DNAH17: variants seen among roughly 807,000 people sequenced by gnomAD.
DNAH17 encodes axonemal beta dynein heavy chain 17.
In DNAH17, 376 loss-of-function variants were observed where a neutral mutation model predicts 485.6. The observed-to-expected ratio is 0.77, with a 90% confidence interval of 0.71 to 0.84. The LOEUF is 0.84. DNAH17 is among the 40% of genes least tolerant of loss of function. The probability of loss-of-function intolerance (pLI) is 0.00; values close to 1 mark genes in which losing one functional copy is unlikely to be tolerated. For synonymous variants in DNAH17, 3,031 were observed against 2,405.9 expected (o/e 1.26, Z -7.60); for missense variants, 6,370 against 5,839.3 (o/e 1.09, Z -2.96).
chr17:78,478,174 CCAT>C (rs1312795429), intron 51 of DNAH17, among the ~76,000 whole-genome samples: 1 of 150,126 alleles, frequency 6.7e-6, no homozygotes, highest in East Asian at 2.0e-4. Flanking sequence ...CATAACATCA[CCAT>C]CATCACCATT....
At position 78,530,599 on chromosome 17, in the gene DNAH17, C is replaced by T. The variant is rs973949955; in HGVS notation, c.3115-87G>A. On this transcript the variant is annotated intron_variant, in intron 20 of 80. Coordinates refer to ENST00000389840, the MANE Select transcript of DNAH17 (RefSeq NM_173628.4). ...AGGGCCTCAGTCCAGGGCCTTCCTGCACTGCACCTGCGCTGCTCACCTGCC... is the reference window on the plus strand; with the variant it reads ...AGGGCCTCAGTCCAGGGCCTTCCTGTACTGCACCTGCGCTGCTCACCTGCC... The T allele has an allele frequency of 9.2e-6, 13 of 1,416,050 alleles. No individual in the cohort carries two copies. In the African/African-American group the frequency reaches 1.6e-4, roughly 17 times the overall value. 87.7% of individuals were successfully genotyped at this position (1,416,050 alleles called of 1,614,324 possible).
intron 31 of DNAH17, among the ~76,000 whole-genome samples, chr17:78,503,539 T>C (rs896102804): frequency 6.6e-6 from 1 of 152,004 alleles, no homozygotes; most frequent in East Asian, 1.9e-4. Flanking sequence ...CCGGCTGCTG[T>C]GCAGTAACTG....
intron 62 of DNAH17, among the ~76,000 whole-genome samples, chr17:78,456,766 G>C (rs1021176740): frequency 1.3e-5 from 2 of 152,216 alleles, no homozygotes; most frequent in Admixed American, 6.5e-5. Context: ...GTGACCTAGA[G>C]ACCATTTCGA....
chr17:78,562,092 C>G, intron 11 of DNAH17, 112 bp from the exon 12 acceptor site: 1 of 1,301,042 alleles, frequency 7.7e-7, no homozygotes, highest in African/African-American at 1.5e-5. Context: ...GAATGTGTAC[C>G]TTGCCAAAAC....
chr17:78,484,771 T>A, intron 48 of DNAH17, 97 bp downstream of exon 48: 105 of 179,604 alleles, frequency 5.8e-4, no homozygotes, highest in East Asian at 2.3e-3. Flanking sequence ...AGTCCTGCCC[T>A]ACTGCCCTGG....
At chr17:78,552,977 G>A (rs2091936966) in intron 14 of DNAH17, among the ~76,000 whole-genome samples, 172 bp from the exon 15 acceptor site, 1 of 152,146 alleles carries the variant, frequency 6.6e-6, no homozygotes, top group African/African-American at 2.4e-5. Context: ...CTGGTGGGAG[G>A]TGACTGGATC....
Position 78,434,125 on chromosome 17 carries a change from G to A in DNAH17, c.12129C>T (p.Phe4043=), listed in dbSNP as rs375567410. The A allele has an allele frequency of 4.0e-5, 64 of 1,613,674 alleles. No individual in the cohort carries two copies. Among genetic ancestry groups the A allele is most frequent in the African/African-American group, 2.9e-4 (22 of 75,062 alleles). ...ACGACCGGTTCCAGCCCTGGGCGCC[G>A]AACTTGCGCCTCTCTGCCACCACAG... ...FHAVVAERRK[F]GAQGWNRSYP... Residue 4043 remains phenylalanine (F), a synonymous_variant, in exon 75 of 81, where the codon TTC becomes TTT. Transcript: ENST00000389840.
chr17:78,532,782 G>A (rs1379425859), intron 19 of DNAH17, 46 bp from the exon 20 acceptor site: 4 of 1,525,904 alleles, frequency 2.6e-6, no homozygotes, highest in Non-Finnish European at 3.5e-6. Context: ...ATGTTGCCTG[G>A]TTCATAATTT....
rs1253779601 is a variant in DNAH17 at position 78,569,596 on chromosome 17, C to T, written c.1045-69G>A. The stretch of plus-strand genomic sequence containing the variant: ...TTTGGGGTGACGTCCAGGCACGCCG[C>T]CTGCAGGACCTGTGATCTGTTCTGA... On this transcript the variant is annotated intron_variant, in intron 7 of 80. Coordinates refer to ENST00000389840, the MANE Select transcript of DNAH17 (RefSeq NM_173628.4). 6.0e-6 allele frequency: 9 copies of T among 1,502,470 alleles called. No homozygotes were observed. The Admixed American group carries it at 1.6e-4, about 27-fold the overall frequency. 93.1% of individuals were successfully genotyped at this position (1,502,470 alleles called of 1,614,324 possible).
chr17:78,449,925 C>T (rs1598467580), intron 68 of DNAH17: 1 of 443,094 alleles, frequency 2.3e-6, no homozygotes, highest in Non-Finnish European at 4.1e-6. Flanking sequence ...ATCCACCCGC[C>T]TCGGCCCCCC....
intron 26 of DNAH17, among the ~76,000 whole-genome samples, chr17:78,511,018 C>T (rs1470175105): frequency 6.6e-6 from 1 of 152,246 alleles, no homozygotes; most frequent in East Asian, 1.9e-4. Flanking sequence ...CTGGAGGAGG[C>T]AGGAAGGACC....
intron 51 of DNAH17, among the ~76,000 whole-genome samples, chr17:78,477,026 G>A (rs927256554): frequency 1.3e-5 from 2 of 152,234 alleles, no homozygotes; most frequent in East Asian, 3.8e-4. Flanking sequence ...GAGGCTAATT[G>A]CAAAGGAAAG....
Position 78,510,436 on chromosome 17 carries a change from T to C in DNAH17, c.4184A>G (p.Asp1395Gly). The C allele has an allele frequency of 1.2e-6, 2 of 1,613,724 alleles. No individual in the cohort carries two copies. Among genetic ancestry groups the C allele is most frequent in the Non-Finnish European group, 1.7e-6 (2 of 1,179,766 alleles). The change falls in exon 27 of 81, where the codon GAT becomes GGT. Residue 1395 changes from aspartate (D) to glycine (G), a missense_variant. Coordinates refer to ENST00000389840, the MANE Select transcript of DNAH17 (RefSeq NM_173628.4). The part of the protein sequence containing the change: ...LLQLNLHSYE[D>G]EVRNIVDKAV... ...CTTGTCCACGATGTTGCGGACCTCATCCTCGTAACTGTGGAGGTTCAGCTG... is the reference window on the plus strand; with the variant it reads ...CTTGTCCACGATGTTGCGGACCTCACCCTCGTAACTGTGGAGGTTCAGCTG...
At position 78,475,716 on chromosome 17, in the gene DNAH17, C is replaced by T. The variant is rs756812525; in HGVS notation, c.8272G>A (p.Val2758Met). 2.5e-6 allele frequency: 4 copies of T among 1,613,720 alleles called. No individual in the cohort carries two copies. Among genetic ancestry groups the T allele is most frequent in the East Asian group, 2.2e-5 (1 of 44,880 alleles). Residue 2758 changes from valine to methionine, a missense_variant, in exon 53 of 81, where the codon GTG becomes ATG. Transcript: ENST00000389840. The part of the protein sequence containing the change: ...TDMAPLNKLL[V>M]DVLDSYNEVN... ...TCATTGTAGCTGTCCAGGACGTCCA[C>T]GAGGAGCTTGTTCAGAGGAGCCATG...
chr17:78,475,569 A>G (rs1490450125), intron 53 of DNAH17, 100 bp from the exon 54 acceptor site: 3 of 1,596,814 alleles, frequency 1.9e-6, no homozygotes, highest in Non-Finnish European at 2.6e-6. Context: ...ACTGTGTGCC[A>G]CGCAGCCCCA....
At chr17:78,503,955 A>G (rs1028183128) in intron 31 of DNAH17, among the ~76,000 whole-genome samples, 1 of 151,254 alleles carries the variant, frequency 6.6e-6, no homozygotes, top group African/African-American at 2.4e-5. Flanking sequence ...GACAAGAGTG[A>G]GACTCCATCT....
At chr17:78,463,677 C>T (rs1467448345) in intron 56 of DNAH17, among the ~76,000 whole-genome samples, 1 of 152,238 alleles carries the variant, frequency 6.6e-6, no homozygotes, top group Non-Finnish European at 1.5e-5. Flanking sequence ...CCAGGTAATT[C>T]TGCAAATATT....
At chr17:78,491,702 G>A (rs1049159572) in intron 42 of DNAH17, 132 bp from the exon 43 acceptor site, 35 of 1,386,526 alleles carry the variant, frequency 2.5e-5, no homozygotes, top group African/African-American at 5.8e-5. Flanking sequence ...AGAGGCCCTC[G>A]GGCATGAGGT....
chr17:78,510,751 G>GCTC (rs5822246), intron 26 of DNAH17: 7 of 378,308 alleles, frequency 1.9e-5, no homozygotes, highest in African/African-American at 4.5e-5. Context: ...CGGAATTGCG[G>GCTC]CCCCCCCGCA....
Sources: allele counts gnomAD v4.1 joint callset (sites outside exome capture counted in the v4.1 genomes callset), GRCh38; gene constraint gnomAD v4.1.1; transcripts MANE v1.5; gene names NCBI Gene and HGNC (gene_info 2026-07-23, HGNC 2026-07-21).